The following GPD2 variants were observed in gnomAD, a reference collection of about 807,000 sequenced individuals.
GPD2 encodes glycerol-3-phosphate dehydrogenase 2, also known as glycerol-3-phosphate dehydrogenase, mitochondrial.
Under a neutral mutation model 82.4 loss-of-function variants are expected in GPD2, and 54 were observed. That is an observed-to-expected ratio of 0.66 (90% CI 0.53 to 0.82). The LOEUF is 0.82. GPD2 is among the 40% of genes least tolerant of loss of function. The pLI is 0.00. For missense variants in GPD2, 748 were observed against 896.2 expected (o/e 0.83, Z 2.11); for synonymous variants, 288 against 306.1 (o/e 0.94, Z 0.62).
intron 13 of GPD2, among the ~76,000 whole-genome samples, chr2:156,573,849 A>G (rs1275107819): frequency 6.6e-6 from 1 of 152,128 alleles, no homozygotes; most frequent in Non-Finnish European, 1.5e-5. Context: ...GAAAAGGTTA[A>G]AAGCATTGGG....
intron 6 of GPD2, among the ~76,000 whole-genome samples, chr2:156,533,903 G>A (rs1022289932): frequency 9.2e-5 from 14 of 152,220 alleles, no homozygotes; most frequent in Admixed American, 7.2e-4. Context: ...TAGCGTCTAG[G>A]GGTGGGTGTC....
chr2:156,513,680 T>C (rs1685090045), intron 6 of GPD2, among the ~76,000 whole-genome samples, 184 bp downstream of exon 6: 1 of 152,132 alleles, frequency 6.6e-6, no homozygotes, highest in African/African-American at 2.4e-5. Flanking sequence ...ACCATACCAT[T>C]TTACCTTTAA....
intron 3 of GPD2, among the ~76,000 whole-genome samples, chr2:156,496,920 A>G (rs1228615898): frequency 2.0e-5 from 3 of 151,750 alleles, no homozygotes; most frequent in Non-Finnish European, 2.9e-5. Context: ...GCGAATAAAT[A>G]ATGGAAAATA....
At chr2:156,462,592 G>A (rs1192835394) in intron 1 of GPD2, among the ~76,000 whole-genome samples, 2 of 151,616 alleles carry the variant, frequency 1.3e-5, no homozygotes, top group South Asian at 4.2e-4. Context: ...ATGAGCCACC[G>A]CACCTAGCCT....
Position 156,547,604 on chromosome 2 carries a change from T to C in GPD2, c.662-2004T>C, listed in dbSNP as rs143446447. ...AGTGGACATAGAAAAACAAGGACCA[T>C]AGGAACTTGTTTCCACCTCACATTT... On this transcript the variant is annotated intron_variant, in intron 6 of 16. Coordinates refer to ENST00000438166, the MANE Select transcript of GPD2 (RefSeq NM_000408.5). 3.6e-3 allele frequency among the ~76,000 whole-genome samples: 551 copies of C among 152,242 alleles called. 4 individuals carry two copies. The highest frequency in any genetic ancestry group is 6.8e-3 in the Middle Eastern group (2 of 294).
At chr2:156,515,325 A>G (rs1438547746) in intron 6 of GPD2, among the ~76,000 whole-genome samples, 1 of 151,670 alleles carries the variant, frequency 6.6e-6, no homozygotes, top group East Asian at 1.9e-4. Flanking sequence ...GTGAGCTGAG[A>G]TCCCGCCATT....
chr2:156,451,241 C>A (rs1420035511), intron 1 of GPD2, among the ~76,000 whole-genome samples: 1 of 150,770 alleles, frequency 6.6e-6, no homozygotes, highest in Non-Finnish European at 1.5e-5. Flanking sequence ...TAGGGGTGGC[C>A]GGGCAGAGGC....
At chr2:156,451,585 T>C (rs1440703873) in intron 1 of GPD2, among the ~76,000 whole-genome samples, 1 of 125,744 alleles carries the variant, frequency 8.0e-6, no homozygotes, top group Non-Finnish European at 1.7e-5. Context: ...CCCCACCTCC[T>C]TCCCGGACAG....
At chr2:156,565,933 T>C (rs1328071093) in intron 9 of GPD2, among the ~76,000 whole-genome samples, 1 of 152,100 alleles carries the variant, frequency 6.6e-6, no homozygotes, top group Non-Finnish European at 1.5e-5. Context: ...TATACCTAAC[T>C]ACTTTTCAAG....
chr2:156,463,041 A>G (rs942176556), intron 1 of GPD2, among the ~76,000 whole-genome samples: 1 of 152,230 alleles, frequency 6.6e-6, no homozygotes, highest in Non-Finnish European at 1.5e-5. Flanking sequence ...AAGCAGGAAA[A>G]TTGTAGGAAG....
intron 1 of GPD2, among the ~76,000 whole-genome samples, chr2:156,446,298 G>C (rs1197196859): frequency 6.6e-6 from 1 of 152,082 alleles, no homozygotes; most frequent in Non-Finnish European, 1.5e-5. Flanking sequence ...GTTTTGCCAT[G>C]TTGACCAGGC....
chr2:156,475,466 T>C (rs1303726427), intron 1 of GPD2, among the ~76,000 whole-genome samples: 2 of 152,064 alleles, frequency 1.3e-5, no homozygotes, highest in East Asian at 3.9e-4. Flanking sequence ...GTAGCTGGGA[T>C]CACAGGCATC....
intron 2 of GPD2, among the ~76,000 whole-genome samples, chr2:156,488,983 C>A (rs1684048827): frequency 2.6e-5 from 4 of 152,166 alleles, no homozygotes; most frequent in African/African-American, 7.2e-5. Context: ...TGGAATTATG[C>A]TAGGAAAAAG....
chr2:156,575,351 A>G (rs1378720803), intron 13 of GPD2, among the ~76,000 whole-genome samples: 1 of 151,608 alleles, frequency 6.6e-6, no homozygotes, highest in African/African-American at 2.4e-5. Context: ...CTAGTAAGGA[A>G]TCACTTAGGC....
chr2:156,426,084 A>G, the GPD2 span, among the ~76,000 whole-genome samples: 1 of 151,706 alleles, frequency 6.6e-6, no homozygotes, highest in Non-Finnish European at 1.5e-5. Flanking sequence ...CCACCACGCC[A>G]GGCTAATTTT....
rs1686414982 is a variant in GPD2, at chr2:156,543,687, A to T, written c.662-5921A>T. On this transcript the variant is annotated intron_variant, in intron 6 of 16. Coordinates refer to ENST00000438166, the MANE Select transcript of GPD2 (RefSeq NM_000408.5). ...GAGTTTACCAGTTTGGGTAAGATGT[A>T]CCACATAGTAAGGACAACATGAGCA... Among the ~76,000 whole-genome samples, 3 of 152,342 alleles carry T rather than the reference A, an allele frequency of 2.0e-5. No individual in the cohort carries two copies. In the South Asian group the frequency reaches 6.2e-4, roughly 32 times the overall value.
At chr2:156,577,890 C>A (rs539522324) in intron 13 of GPD2, among the ~76,000 whole-genome samples, 15 of 152,174 alleles carry the variant, frequency 9.9e-5, no homozygotes, top group African/African-American at 3.6e-4. Context: ...AGATGCTAAG[C>A]AAAACTATAA....
chr2:156,439,531 A>AC (rs1558898799), intron 1 of GPD2, among the ~76,000 whole-genome samples: 11 of 115,534 alleles, frequency 9.5e-5, no homozygotes, highest in Non-Finnish European at 1.8e-4. Context: ...AAAAAAAAAA[A>AC]AAAAAAAACA....
intron 1 of GPD2, among the ~76,000 whole-genome samples, chr2:156,453,756 G>C (rs1485297388): frequency 2.0e-5 from 3 of 151,998 alleles, no homozygotes; most frequent in Non-Finnish European, 2.9e-5. Context: ...ACATGCCTGT[G>C]ATCCCAGCTA....
Sources: gnomAD v4.1 joint callset for allele counts (sites outside exome capture counted in the v4.1 genomes callset) on GRCh38, gnomAD v4.1.1 for gene constraint, MANE v1.5 for transcripts, NCBI Gene and HGNC (gene_info 2026-07-23, HGNC 2026-07-21) for gene names.